Variants in TBC1D8 observed in about 807,000 individuals in gnomAD.
The protein encoded by TBC1D8 is TBC1 domain family member 8.
TBC1D8 carries 65 observed loss-of-function variants against 118.8 expected under a neutral mutation model. The ratio of observed to expected loss-of-function variants is 0.55; its 90% confidence interval spans 0.45 to 0.67. TBC1D8 has a LOEUF of 0.67. Ranked by LOEUF, TBC1D8 falls within the 30% of genes least tolerant of loss-of-function variation. TBC1D8 has a pLI of 0.00. For missense variants in TBC1D8, 1,376 were observed against 1,471.2 expected (o/e 0.94, Z 1.06); for synonymous variants, 566 against 595.8 (o/e 0.95, Z 0.73).
chr2:101,031,280 C>T (rs187471583), intron 11 of TBC1D8, among the ~76,000 whole-genome samples: 132 of 152,270 alleles, frequency 8.7e-4, no homozygotes, highest in African/African-American at 3.1e-3. Flanking sequence ...CCGGTGTGCA[C>T]GGCTGAAGGC....
intron 1 of TBC1D8, among the ~76,000 whole-genome samples, chr2:101,125,232 C>T (rs928272064): frequency 6.6e-6 from 1 of 152,200 alleles, no homozygotes; most frequent in Admixed American, 6.5e-5. Flanking sequence ...ATTCTGACAA[C>T]ACAATCCCAC....
intron 17 of TBC1D8, among the ~76,000 whole-genome samples, chr2:101,018,589 T>C (rs902406551): frequency 1.3e-5 from 2 of 152,228 alleles, no homozygotes; most frequent in Non-Finnish European, 2.9e-5. Flanking sequence ...CATCCTTTAA[T>C]GTGGATTCAG....
chr2:101,073,905 CA>C (rs1674640532), intron 2 of TBC1D8, among the ~76,000 whole-genome samples: 1 of 152,250 alleles, frequency 6.6e-6, no homozygotes, highest in African/African-American at 2.4e-5. Context: ...ATACAGACCA[CA>C]AAAACTTTCT....
At chr2:101,145,243 C>T (rs905777314) in intron 1 of TBC1D8, among the ~76,000 whole-genome samples, 2 of 152,202 alleles carry the variant, frequency 1.3e-5, no homozygotes, top group African/African-American at 4.8e-5. Context: ...AAATGCAACT[C>T]TTGGAAACCT....
In TBC1D8 at chr2:101,028,299, T is replaced by C. The variant is rs1295717829; in HGVS notation, c.2352+4A>G. The C allele has an allele frequency of 6.2e-7, 1 of 1,610,610 alleles. No individual in the cohort carries two copies. Among genetic ancestry groups the C allele is most frequent in the South Asian group, 1.1e-5 (1 of 90,584 alleles). On this transcript the variant is annotated splice_donor_region_variant and intron_variant, in intron 13 of 19. Transcript: ENST00000409318. ...ACGGGGCATGGGGCGGGGGTTCCCG[T>C]TACCTCATAGGAATCCCGGATCAGG...
chr2:101,093,593 T>C (rs1238901871), intron 1 of TBC1D8, among the ~76,000 whole-genome samples: 1 of 151,876 alleles, frequency 6.6e-6, no homozygotes. Flanking sequence ...TACACGCCTG[T>C]AATCCTAGCT....
At chr2:101,038,377 T>C in intron 7 of TBC1D8, 84 bp downstream of exon 7, 1 of 1,446,814 alleles carries the variant, frequency 6.9e-7, no homozygotes, top group Non-Finnish European at 9.5e-7. Context: ...CATCCCCACA[T>C]GGCTCTCCCC....
chr2:101,059,177 G>A (rs1468564645), intron 3 of TBC1D8, among the ~76,000 whole-genome samples: 1 of 151,016 alleles, frequency 6.6e-6, no homozygotes, highest in Non-Finnish European at 1.5e-5. Context: ...AAAGTGCTGG[G>A]ATTACAGGCG....
At chr2:101,023,542 G>A (rs771831899) in intron 15 of TBC1D8, 40 of 372,540 alleles carry the variant, frequency 1.1e-4, no homozygotes, top group Non-Finnish European at 1.8e-4. Flanking sequence ...GGGCCCCAGA[G>A]GTGGAAGTGA....
chr2:101,054,064 T>C (rs1051262698), intron 4 of TBC1D8, 44 bp downstream of exon 4: 4 of 1,561,390 alleles, frequency 2.6e-6, no homozygotes, highest in East Asian at 2.3e-5. Flanking sequence ...GCTGAGTCCC[T>C]GGGGCCAACT....
At chr2:101,048,415 C>T (rs1025202680) in intron 5 of TBC1D8, among the ~76,000 whole-genome samples, 3 of 152,152 alleles carry the variant, frequency 2.0e-5, no homozygotes, top group East Asian at 3.9e-4. Flanking sequence ...AGGACACTGC[C>T]CCAAGCGTGT....
intron 1 of TBC1D8, among the ~76,000 whole-genome samples, chr2:101,116,327 TAG>T (rs1325601212): frequency 6.6e-6 from 1 of 152,212 alleles, no homozygotes; most frequent in Non-Finnish European, 1.5e-5. Context: ...TACACTGCTC[TAG>T]AGTCACAATC....
chr2:101,053,130 T>C (rs1473807281), intron 4 of TBC1D8, among the ~76,000 whole-genome samples: 4 of 152,180 alleles, frequency 2.6e-5, no homozygotes, highest in African/African-American at 4.8e-5. Context: ...GGGAAGGCTT[T>C]TGGATGTGAC....
In TBC1D8 at chr2:101,029,706, C is replaced by G. The variant is rs1680561899; in HGVS notation, c.2007G>C (p.Met669Ile). 6.2e-7 allele frequency: 1 copy of G among 1,614,020 alleles called. No homozygotes were observed. Among genetic ancestry groups the G allele is most frequent in the East Asian group, 2.2e-5 (1 of 44,886 alleles). Reference protein sequence around the residue: ...KGHLPELAEHMNDLSALASVS... With the variant: ...KGHLPELAEHINDLSALASVS... ...CGGACGCCAGGGCTGAGAGGTCGTTCATGTGCTCTGCCAGCTCTGGGAGAT... is the reference window on the plus strand; with the variant it reads ...CGGACGCCAGGGCTGAGAGGTCGTTGATGTGCTCTGCCAGCTCTGGGAGAT... Residue 669 changes from methionine (M) to isoleucine (I), a missense_variant, in exon 12 of 20, where the codon ATG (methionine) becomes ATC (isoleucine). By Grantham distance (10) the Met-to-Ile change is conservative (BLOSUM62 1). Coordinates refer to ENST00000409318, the MANE Select transcript of TBC1D8 (RefSeq NM_001330348.2).
Position 101,044,806 on chromosome 2 carries a change from T to C in TBC1D8, c.873-4421A>G, listed in dbSNP as rs557930071. On this transcript the variant is annotated intron_variant, in intron 5 of 19. Transcript: ENST00000409318. ...CTCTGTTGCCCAGGCTGGAGTGCTGTGGTGCAATCTCGGCTCACTGAAAGC... is the reference window on the plus strand; with the variant it reads ...CTCTGTTGCCCAGGCTGGAGTGCTGCGGTGCAATCTCGGCTCACTGAAAGC... Among the ~76,000 whole-genome samples the C allele has an allele frequency of 2.1e-3, 321 of 152,338 alleles. 2 individuals carry two copies. Among genetic ancestry groups the C allele is most frequent in the Non-Finnish European group, 3.4e-3 (234 of 68,028 alleles).
intron 1 of TBC1D8, among the ~76,000 whole-genome samples, chr2:101,133,053 G>A (rs1034023872): frequency 4.0e-5 from 6 of 150,754 alleles, no homozygotes; most frequent in South Asian, 2.1e-4. Flanking sequence ...CCAGCTACTC[G>A]GGAGGCTGAG....
chr2:101,015,004 G>A (rs138441237), intron 17 of TBC1D8, among the ~76,000 whole-genome samples: 9 of 152,218 alleles, frequency 5.9e-5, no homozygotes, highest in African/African-American at 1.9e-4. Context: ...AGAGGAATAC[G>A]TTCTGAGAAA....
At chr2:101,059,132 C>T (rs1022089166) in intron 3 of TBC1D8, among the ~76,000 whole-genome samples, 4 of 151,856 alleles carry the variant, frequency 2.6e-5, no homozygotes, top group Non-Finnish European at 4.4e-5. Context: ...TGGTCTCGAC[C>T]TCCTGACCTC....
Position 101,123,809 on chromosome 2 carries a change from C to T in TBC1D8, c.127+27318G>A, listed in dbSNP as rs76061215. 6.1e-3 allele frequency among the ~76,000 whole-genome samples: 930 copies of T among 152,294 alleles called. 25 individuals carry two copies. The East Asian group carries it at 0.083, about 14-fold the overall frequency. ...ATGGAGAAAACACATAAAGGAAGGT[C>T]CTGCAGAGCCCCTGACAGGGAGCTT... On this transcript the variant is annotated intron_variant, in intron 1 of 19. Transcript: ENST00000409318.
Sources: allele counts gnomAD v4.1 joint callset (sites outside exome capture counted in the v4.1 genomes callset), GRCh38; gene constraint gnomAD v4.1.1; transcripts MANE v1.5; gene names NCBI Gene and HGNC (gene_info 2026-07-23, HGNC 2026-07-21).